Variants in FRAS1 observed in about 807,000 individuals in gnomAD.
FRAS1 encodes the protein Fraser extracellular matrix complex subunit 1.
Under a neutral mutation model 435.2 loss-of-function variants are expected in FRAS1, and 290 were observed. The ratio of observed to expected loss-of-function variants is 0.67; its 90% confidence interval spans 0.61 to 0.73. The LOEUF (loss-of-function observed/expected upper bound fraction) is 0.73, where lower values mean the gene tolerates loss of function less well. Ranked by LOEUF, FRAS1 falls within the 30% of genes least tolerant of loss-of-function variation. The pLI is 0.00. For missense variants in FRAS1, 4,860 were observed against 5,001.5 expected (o/e 0.97, Z 0.85); for synonymous variants, 1,800 against 1,851.0 (o/e 0.97, Z 0.71).
intron 2 of FRAS1, among the ~76,000 whole-genome samples, chr4:78,165,823 G>A (rs1351428197): frequency 6.6e-6 from 1 of 152,104 alleles, no homozygotes; most frequent in Non-Finnish European, 1.5e-5. Context: ...AGGCTAGAGT[G>A]GGCTTATTCT....
intron 59 of FRAS1, among the ~76,000 whole-genome samples, chr4:78,492,948 A>G (rs781692113): frequency 4.6e-5 from 7 of 152,374 alleles, no homozygotes; most frequent in African/African-American, 7.2e-5. Context: ...AAGAAACTTA[A>G]ACAAATTTAC....
intron 9 of FRAS1, among the ~76,000 whole-genome samples, chr4:78,274,406 T>G (rs1726886790): frequency 6.6e-6 from 1 of 152,230 alleles, no homozygotes; most frequent in South Asian, 2.1e-4. Context: ...ATTGTGATGT[T>G]AGAGTGTCAA....
intron 2 of FRAS1, among the ~76,000 whole-genome samples, chr4:78,149,433 G>A (rs1448051073): frequency 6.6e-6 from 1 of 152,178 alleles, no homozygotes; most frequent in African/African-American, 2.4e-5. Context: ...ACAGTGCACT[G>A]TAGACTGTCC....
At chr4:78,189,993 C>T (rs1722460820) in intron 2 of FRAS1, among the ~76,000 whole-genome samples, 1 of 152,232 alleles carries the variant, frequency 6.6e-6, no homozygotes, top group South Asian at 2.1e-4. Flanking sequence ...CATTAGCCAT[C>T]TAACCTGGTT....
intron 22 of FRAS1, among the ~76,000 whole-genome samples, chr4:78,369,178 A>G (rs1249575419): frequency 6.6e-6 from 1 of 152,180 alleles, no homozygotes; most frequent in Non-Finnish European, 1.5e-5. Context: ...CCAGTGAGTA[A>G]CTGGATTAGG....
intron 44 of FRAS1, 121 bp downstream of exon 44, chr4:78,448,437 C>A: frequency 1.1e-6 from 1 of 899,020 alleles, no homozygotes; most frequent in Non-Finnish European, 1.6e-6. Context: ...CTGTTCCATA[C>A]TTGGGGAGAT....
At chr4:78,269,110 T>C (rs909791202) in intron 9 of FRAS1, among the ~76,000 whole-genome samples, 1 of 152,242 alleles carries the variant, frequency 6.6e-6, no homozygotes, top group East Asian at 1.9e-4. Flanking sequence ...TTAGCCTTCT[T>C]TATATGCCAT....
intron 67 of FRAS1, among the ~76,000 whole-genome samples, chr4:78,521,114 G>C (rs988812617): frequency 6.6e-5 from 10 of 152,170 alleles, no homozygotes; most frequent in Non-Finnish European, 1.5e-4. Context: ...TAGCCACCAG[G>C]ACTTTGTTTA....
chr4:78,222,084 G>A (rs1418517430), intron 2 of FRAS1, among the ~76,000 whole-genome samples: 3 of 152,086 alleles, frequency 2.0e-5, no homozygotes, highest in African/African-American at 7.2e-5. Context: ...CCCCCCTGGA[G>A]CTCTGCCCTG....
At chr4:78,496,656 A>G (rs998751771) in intron 59 of FRAS1, 149 bp from the exon 60 acceptor site, 3 of 782,678 alleles carry the variant, frequency 3.8e-6, no homozygotes, top group Non-Finnish European at 6.1e-6. Flanking sequence ...TTAAATTTGA[A>G]CATTTTGTTT....
At chr4:78,300,442 T>A (rs1329859826) in intron 14 of FRAS1, among the ~76,000 whole-genome samples, 1 of 152,178 alleles carries the variant, frequency 6.6e-6, no homozygotes, top group Non-Finnish European at 1.5e-5. Context: ...CTCATGGAGC[T>A]TACGGTCTCA....
rs747315786 is a variant in FRAS1 at position 78,286,158 on chromosome 4, GA to G, written c.1400-246del. 1.4e-4 allele frequency: 83 copies of G among 613,114 alleles called. 1 individual carries two copies. The highest frequency in any genetic ancestry group is 4.2e-4 in the African/African-American group (23 of 55,340). 38.0% of individuals were successfully genotyped at this position (613,114 alleles called of 1,614,324 possible). On this transcript the variant is annotated intron_variant, in intron 13 of 73. Transcript: ENST00000512123. ...GTCTGTTCCTCATCTGTAAAGTTGG[GA>G]TTAATAATATCTACCTCCTAGGGTG...
In FRAS1 at chr4:78,541,223, A is replaced by G. The variant is rs1323356778; in HGVS notation, c.*99A>G. On this transcript the variant is annotated 3_prime_UTR_variant, in exon 74 of 74. Coordinates refer to ENST00000512123, the MANE Select transcript of FRAS1 (RefSeq NM_025074.7). Reference sequence around the variant, plus strand: ...TCTCGCAGATAAAAAAGGGAAAACTATAGCTTTGAGTGGCAGACAGCACAC... The same window carrying G: ...TCTCGCAGATAAAAAAGGGAAAACTGTAGCTTTGAGTGGCAGACAGCACAC... 3 of 742,474 alleles carry G rather than the reference A, an allele frequency of 4.0e-6. No homozygotes were observed. The Admixed American group carries it at 1.1e-4, about 27-fold the overall frequency. The allele number at this position is 742,474 out of a possible 1,614,324, so 46.0% of individuals were successfully genotyped here. A position where few individuals can be genotyped will look rare whatever the true frequency, so the allele number is the denominator to read the frequency against.
At chr4:78,447,731 T>C (rs1194817953) in intron 43 of FRAS1, among the ~76,000 whole-genome samples, 7 of 152,134 alleles carry the variant, frequency 4.6e-5, no homozygotes, top group African/African-American at 1.7e-4. Flanking sequence ...AAGGGAAAAA[T>C]AAGATTTAGA....
At chr4:78,332,996 A>C (rs1730006943) in intron 18 of FRAS1, among the ~76,000 whole-genome samples, 1 of 152,214 alleles carries the variant, frequency 6.6e-6, no homozygotes, top group Admixed American at 6.5e-5. Flanking sequence ...ATTCTCTGAG[A>C]ATGGGAACTT....
At position 78,374,139 on chromosome 4, in the gene FRAS1, A is replaced by G; in HGVS notation, c.3039A>G (p.Gln1013=). The G allele has an allele frequency of 4.4e-6, 7 of 1,598,134 alleles. No individual in the cohort carries two copies. The highest frequency in any genetic ancestry group is 3.4e-5 in the South Asian group (3 of 89,262). Residue 1013 remains glutamine (Q), a synonymous_variant, in exon 25 of 74, where the codon CAA becomes CAG. Transcript: ENST00000512123. ...KNCDSYCLQC[Q]GPHECTRCKG... is the part of the protein sequence containing the mutation. ...GTGACAGCTACTGTCTCCAGTGCCA[A>G]GGTCCCCATGAGTGTACCCGCTGCA... is the stretch of plus-strand genomic sequence containing the variant.
Position 78,161,742 on chromosome 4 carries a change from CAAAAAAAAAAAAAAAAA to C in FRAS1, c.109-75754_109-75738del, listed in dbSNP as rs71214399. On this transcript the variant is annotated intron_variant, in intron 2 of 73. Transcript: ENST00000512123. ...GGGCAACAAGAGCAAAACTCTGTCT[CAAAAAAAAAAAAAAAAA>C]AAAAAAAAAAAAAGAAAAGAAAAGA... Among the ~76,000 whole-genome samples the C allele has an allele frequency of 1.2e-4, 3 of 24,884 alleles. No homozygotes were observed. In the East Asian group the frequency reaches 4.4e-3, roughly 37 times the overall value. 16.3% of individuals were successfully genotyped at this position (24,884 alleles called of 152,430 possible).
At chr4:78,228,435 T>C (rs1724364573) in intron 2 of FRAS1, among the ~76,000 whole-genome samples, 2 of 152,326 alleles carry the variant, frequency 1.3e-5, no homozygotes, top group South Asian at 4.1e-4. Flanking sequence ...TTAGAACAAG[T>C]GGAAAACTGG....
At chr4:78,234,304 C>G (rs1301984193) in intron 2 of FRAS1, among the ~76,000 whole-genome samples, 1 of 152,132 alleles carries the variant, frequency 6.6e-6, no homozygotes, top group African/African-American at 2.4e-5. Flanking sequence ...TGGCTCACTG[C>G]AAGCTCCGCC....
Sources: allele counts gnomAD v4.1 joint callset (sites outside exome capture counted in the v4.1 genomes callset), GRCh38; gene constraint gnomAD v4.1.1; transcripts MANE v1.5; gene names NCBI Gene and HGNC (gene_info 2026-07-23, HGNC 2026-07-21).